Variants in PRR16 observed in about 807,000 individuals in gnomAD.
PRR16 encodes protein Largen.
Under a neutral mutation model 18.2 loss-of-function variants are expected in PRR16, and 6 were observed. The observed-to-expected ratio is 0.33, with a 90% CI of 0.18 to 0.65. The LOEUF is 0.65. Ranked by LOEUF, PRR16 falls within the 30% of genes least tolerant of loss-of-function variation. PRR16 has a pLI of 0.74. For missense variants in PRR16, 412 were observed against 376.6 expected (o/e 1.09, Z -0.78); for synonymous variants, 151 against 147.8 (o/e 1.02, Z -0.16).
intron 1 of PRR16, among the ~76,000 whole-genome samples, chr5:120,611,996 C>T (rs1754351006): frequency 1.3e-5 from 2 of 152,182 alleles, no homozygotes; most frequent in Admixed American, 1.3e-4. Flanking sequence ...CATGGGAACC[C>T]ACCTCTTGCA....
intron 1 of PRR16, among the ~76,000 whole-genome samples, chr5:120,521,419 T>C (rs1377523865): frequency 6.6e-6 from 1 of 152,178 alleles, no homozygotes; most frequent in African/African-American, 2.4e-5. Context: ...ATGTGTACTT[T>C]GTTTCCATAT....
the PRR16 span, among the ~76,000 whole-genome samples, chr5:120,730,936 C>T: frequency 2.6e-5 from 4 of 152,074 alleles, no homozygotes; most frequent in Non-Finnish European, 5.9e-5. Context: ...TTTACTTAGT[C>T]TAAAAACTGT....
chr5:120,786,985 A>T, the PRR16 span, among the ~76,000 whole-genome samples: 1 of 152,130 alleles, frequency 6.6e-6, no homozygotes, highest in South Asian at 2.1e-4. Context: ...AGTAAAACTT[A>T]TATGGTTTTA....
the PRR16 span, among the ~76,000 whole-genome samples, chr5:120,727,265 C>T: frequency 2.6e-5 from 4 of 152,024 alleles, no homozygotes; most frequent in Non-Finnish European, 5.9e-5. Context: ...ATGTTGCATA[C>T]TTTTCTGGGA....
chr5:120,754,282 A>AATATAT, the PRR16 span, among the ~76,000 whole-genome samples: 2 of 94,844 alleles, frequency 2.1e-5, no homozygotes, highest in African/African-American at 8.9e-5. Context: ...AATAATATAT[A>AATATAT]AATATATAAT....
intron 1 of PRR16, among the ~76,000 whole-genome samples, chr5:120,675,814 T>C (rs1001193219): frequency 2.0e-5 from 3 of 152,178 alleles, no homozygotes. Context: ...AACTGCATTA[T>C]AGTTTTACTT....
chr5:120,654,443 C>A (rs1218153291), intron 1 of PRR16, among the ~76,000 whole-genome samples: 1 of 151,232 alleles, frequency 6.6e-6, no homozygotes, highest in Non-Finnish European at 1.5e-5. Context: ...ATATAACAAA[C>A]TACTTGACAC....
At chr5:120,478,930 G>T (rs1580620532) in intron 1 of PRR16, among the ~76,000 whole-genome samples, 1 of 151,848 alleles carries the variant, frequency 6.6e-6, no homozygotes, top group Non-Finnish European at 1.5e-5. Flanking sequence ...ATGGATATTG[G>T]ATATAGTTTA....
chr5:120,753,980 T>C, the PRR16 span, among the ~76,000 whole-genome samples: 1 of 122,068 alleles, frequency 8.2e-6, no homozygotes, highest in Admixed American at 1.1e-4. Context: ...TTATATAATA[T>C]AATATATAAC....
chr5:120,475,447 C>T (rs1490517752), intron 1 of PRR16, among the ~76,000 whole-genome samples: 1 of 151,722 alleles, frequency 6.6e-6, no homozygotes, highest in Non-Finnish European at 1.5e-5. Flanking sequence ...CTTCCTTATC[C>T]TCTTCTTTGA....
intron 1 of PRR16, among the ~76,000 whole-genome samples, chr5:120,519,287 T>C (rs980858666): frequency 3.9e-5 from 6 of 152,118 alleles, no homozygotes; most frequent in Admixed American, 2.6e-4. Context: ...CAATTTATCA[T>C]TGTAACTGAG....
intron 1 of PRR16, among the ~76,000 whole-genome samples, chr5:120,586,228 T>G (rs1463659333): frequency 6.6e-6 from 1 of 151,948 alleles, no homozygotes; most frequent in Admixed American, 6.6e-5. Flanking sequence ...AATTGTTAAA[T>G]GGAATATGTG....
intron 1 of PRR16, among the ~76,000 whole-genome samples, chr5:120,486,713 T>G (rs1031319308): frequency 6.6e-6 from 1 of 152,188 alleles, no homozygotes; most frequent in African/African-American, 2.4e-5. Context: ...AGACATGAAG[T>G]CCTTGCCCAT....
At chr5:120,770,060 A>G in the PRR16 span, among the ~76,000 whole-genome samples, 1 of 151,912 alleles carries the variant, frequency 6.6e-6, no homozygotes, top group Non-Finnish European at 1.5e-5. Flanking sequence ...GGTTATTGTT[A>G]ATTGTTGAGT....
chr5:120,491,745 T>C (rs913249291), intron 1 of PRR16, among the ~76,000 whole-genome samples: 1 of 152,144 alleles, frequency 6.6e-6, no homozygotes, highest in African/African-American at 2.4e-5. Flanking sequence ...GGTTTCACCA[T>C]GTTAGCCAGG....
chr5:120,549,661 A>G (rs932142609), intron 1 of PRR16, among the ~76,000 whole-genome samples: 3 of 152,076 alleles, frequency 2.0e-5, no homozygotes, highest in African/African-American at 7.2e-5. Flanking sequence ...TGGCTAAAGT[A>G]GATAGGGTGG....
intron 1 of PRR16, among the ~76,000 whole-genome samples, chr5:120,659,802 G>A (rs1756114091): frequency 6.6e-6 from 1 of 151,980 alleles, no homozygotes; most frequent in Admixed American, 6.6e-5. Context: ...CTGAGGGAAG[G>A]TTGGCTTAAC....
At chr5:120,702,526 G>A in the PRR16 span, among the ~76,000 whole-genome samples, 675 of 152,246 alleles carry the variant, frequency 4.4e-3, 5 homozygotes, top group African/African-American at 0.016. Flanking sequence ...GCTGTTAAGG[G>A]TGAAGGACCA....
chr5:120,702,314 G>A, the PRR16 span, among the ~76,000 whole-genome samples: 3 of 151,576 alleles, frequency 2.0e-5, no homozygotes, highest in Admixed American at 6.6e-5. Flanking sequence ...ATAAGAGGTC[G>A]GGGCATGGAA....
Sources: gnomAD v4.1 joint callset for allele counts (sites outside exome capture counted in the v4.1 genomes callset) on GRCh38, gnomAD v4.1.1 for gene constraint, MANE v1.5 for transcripts, NCBI Gene and HGNC (gene_info 2026-07-23, HGNC 2026-07-21) for gene names.